Variants in NINL observed in about 807,000 individuals in gnomAD.
NINL encodes ninein-like protein.
Under a neutral mutation model 160.3 loss-of-function variants are expected in NINL, and 153 were observed. That is an observed-to-expected ratio of 0.95 (90% CI 0.84 to 1.09). NINL has a LOEUF of 1.09. Ranked by LOEUF, NINL falls within the 50% of genes least tolerant of loss-of-function variation. The probability of loss-of-function intolerance (pLI) is 0.00; values close to 1 mark genes in which losing one functional copy is unlikely to be tolerated. For synonymous variants in NINL, 800 were observed against 734.8 expected, an observed-to-expected ratio of 1.09 and a Z score of -1.43; for missense variants, 1,829 against 1,764.0, an observed-to-expected ratio of 1.04 and a Z score of -0.66.
intron 2 of NINL, among the ~76,000 whole-genome samples, chr20:25,520,015 AAAAG>A (rs2064234432): frequency 7.3e-6 from 1 of 136,562 alleles, no homozygotes; most frequent in African/African-American, 2.8e-5. Flanking sequence ...AAAAAAAAAA[AAAAG>A]GCCAGAGAGT....
In NINL at chr20:25,504,977, C is replaced by G; in HGVS notation, c.619G>C (p.Glu207Gln). 1 of 1,613,848 alleles carries G rather than the reference C, an allele frequency of 6.2e-7. No homozygotes were observed. ...PESQIRGVWEELGVGSSGHLS... is the reference protein window; with the variant it reads ...PESQIRGVWEQLGVGSSGHLS... ...TGTCCGCTGCTGCCCACCCCCAGCT[C>G]TTCCCACACGCCCCGGATCTGGCTC... Residue 207 changes from glutamate (E) to glutamine (Q), a missense_variant, in exon 6 of 24, where the codon GAG (glutamate) becomes CAG (glutamine). Glu to Gln is a conservative substitution (Grantham distance 29). Coordinates refer to ENST00000278886, the MANE Select transcript of NINL (RefSeq NM_025176.6).
At chr20:25,490,098 C>T (rs2063592605) in intron 11 of NINL, 113 bp from the exon 12 acceptor site, 1 of 958,326 alleles carries the variant, frequency 1.0e-6, no homozygotes, top group Non-Finnish European at 1.6e-6. Flanking sequence ...AAAGAACCCC[C>T]ACCCACCGCA....
At chr20:25,522,033 G>A (rs1308113790) in intron 2 of NINL, among the ~76,000 whole-genome samples, 1 of 152,078 alleles carries the variant, frequency 6.6e-6, no homozygotes, top group East Asian at 1.9e-4. Context: ...GGCCTCCTGA[G>A]TAGGTGGGTC....
chr20:25,527,592 A>G (rs1470832546), intron 1 of NINL, among the ~76,000 whole-genome samples: 1 of 152,022 alleles, frequency 6.6e-6, no homozygotes, highest in Non-Finnish European at 1.5e-5. Flanking sequence ...AAAAAAGGAA[A>G]CTCCAATAAA....
chr20:25,498,419 C>T (rs2063802891), intron 8 of NINL, 73 bp from the exon 9 acceptor site: 5 of 1,576,756 alleles, frequency 3.2e-6, no homozygotes, highest in Non-Finnish European at 4.3e-6. Flanking sequence ...TGCTCCCTCC[C>T]TGATCCAGGG....
intron 16 of NINL, among the ~76,000 whole-genome samples, chr20:25,477,817 T>G (rs1405618150): frequency 6.6e-6 from 1 of 152,258 alleles, no homozygotes; most frequent in African/African-American, 2.4e-5. Flanking sequence ...TGCCTGCCCC[T>G]CTGTTCCCAC....
chr20:25,465,939 G>T (rs1278193311), intron 19 of NINL, among the ~76,000 whole-genome samples: 1 of 152,202 alleles, frequency 6.6e-6, no homozygotes, highest in African/African-American at 2.4e-5. Flanking sequence ...CTTCAGTGTG[G>T]CGAGGCGGGA....
At chr20:25,503,714 A>C (rs1299187199) in intron 7 of NINL, among the ~76,000 whole-genome samples, 2 of 152,202 alleles carry the variant, frequency 1.3e-5, no homozygotes, top group Non-Finnish European at 2.9e-5. Flanking sequence ...GGCTTGGAGA[A>C]GGTAACTCCC....
In NINL at chr20:25,476,386, T is replaced by C. The variant is rs6115193; in HGVS notation, c.2905A>G (p.Arg969Gly). The C allele has an allele frequency of 0.11, 171,090 of 1,609,810 alleles. 9,854 individuals are homozygous for C. Among genetic ancestry groups the C allele is most frequent in the African/African-American group, 0.16 (12,049 of 74,640 alleles). Residue 969 changes from arginine (R) to glycine (G), a missense_variant, in exon 17 of 24, where the codon AGG becomes GGG. Transcript: ENST00000278886. Reference protein sequence around the residue: ...EPPLRPAASCRGQAERLQAIQ... With the variant: ...EPPLRPAASCGGQAERLQAIQ... ...GCCTGTAGCCTCTCAGCCTGTCCCC[T>C]GCACGAAGCGGCCGGCCTCAGGGGT...
intron 2 of NINL, among the ~76,000 whole-genome samples, chr20:25,525,687 G>C (rs942246886): frequency 8.5e-5 from 13 of 152,060 alleles, no homozygotes; most frequent in Non-Finnish European, 1.6e-4. Flanking sequence ...TGAGTCTTGT[G>C]GAAAAAATAT....
intron 22 of NINL, among the ~76,000 whole-genome samples, chr20:25,457,425 A>G (rs2090715651): frequency 1.3e-5 from 2 of 152,236 alleles, no homozygotes; most frequent in Admixed American, 1.3e-4. Flanking sequence ...ATTTGTCCTC[A>G]GAGAACTGGT....
At chr20:25,470,135 A>C in intron 17 of NINL, 40 bp from the exon 18 acceptor site, 1 of 1,529,406 alleles carries the variant, frequency 6.5e-7, no homozygotes, top group Non-Finnish European at 9.1e-7. Flanking sequence ...GCACTTGGGG[A>C]GCCACATGTG....
intron 1 of NINL, among the ~76,000 whole-genome samples, chr20:25,565,727 A>G (rs942054116): frequency 7.9e-5 from 12 of 152,200 alleles, no homozygotes; most frequent in African/African-American, 2.7e-4. Context: ...AGGGCAGATT[A>G]GCATGGGAGT....
At chr20:25,526,272 A>G in intron 2 of NINL, 136 bp downstream of exon 2, 1 of 774,868 alleles carries the variant, frequency 1.3e-6, no homozygotes, top group Admixed American at 2.4e-5. Flanking sequence ...AGAGGGAAAA[A>G]CTAGGACACT....
chr20:25,562,219 G>T (rs1336700769), intron 1 of NINL, among the ~76,000 whole-genome samples: 7 of 127,550 alleles, frequency 5.5e-5, no homozygotes, highest in South Asian at 2.7e-4. Context: ...GGGAGGTGAG[G>T]GGCGCCTCTG....
chr20:25,570,693 A>AATTTTTTTTTTTTTTT (rs1423732606), intron 1 of NINL, among the ~76,000 whole-genome samples: 1 of 74,102 alleles, frequency 1.3e-5, no homozygotes, highest in Non-Finnish European at 2.7e-5. Context: ...GGGCAAGTAG[A>AATTTTTTTTTTTTTTT]CTTTTTTTTT....
intron 17 of NINL, among the ~76,000 whole-genome samples, chr20:25,474,772 G>A (rs1044696484): frequency 6.7e-6 from 1 of 150,234 alleles, no homozygotes; most frequent in Non-Finnish European, 1.5e-5. Flanking sequence ...ATGCCACCAT[G>A]CCCGGCTAAT....
At chr20:25,511,463 T>A (rs1464258831) in intron 4 of NINL, among the ~76,000 whole-genome samples, 3 of 152,238 alleles carry the variant, frequency 2.0e-5, no homozygotes, top group Non-Finnish European at 4.4e-5. Flanking sequence ...CACAACTGAC[T>A]GTGGAATGGA....
intron 10 of NINL, among the ~76,000 whole-genome samples, chr20:25,492,688 G>A (rs954783871): frequency 2.0e-5 from 3 of 151,980 alleles, no homozygotes; most frequent in South Asian, 2.1e-4. Context: ...TCCTGACCTC[G>A]TGATCTGCCT....
Sources: allele counts gnomAD v4.1 joint callset (sites outside exome capture counted in the v4.1 genomes callset), GRCh38; gene constraint gnomAD v4.1.1; transcripts MANE v1.5; gene names NCBI Gene and HGNC (gene_info 2026-07-23, HGNC 2026-07-21).